RORA: variants seen among roughly 807,000 people sequenced by gnomAD.
RORA encodes the protein nuclear receptor ROR-alpha.
Under a neutral mutation model 69.5 loss-of-function variants are expected in RORA, and 7 were observed. That is an observed-to-expected ratio of 0.10 (90% CI 0.06 to 0.19). The LOEUF (loss-of-function observed/expected upper bound fraction) is 0.19, where lower values mean the gene tolerates loss of function less well. Among genes scored for constraint, RORA ranks in the 10% least tolerant of loss-of-function variants. RORA has a pLI of 1.00. For missense variants in RORA, 457 were observed against 663.0 expected, an observed-to-expected ratio of 0.69 and a Z score of 3.41; for synonymous variants, 261 against 240.8, an observed-to-expected ratio of 1.08 and a Z score of -0.78.
chr15:61,046,954 T>G (rs1241970044), intron 1 of RORA, among the ~76,000 whole-genome samples: 1 of 152,238 alleles, frequency 6.6e-6, no homozygotes, highest in Non-Finnish European at 1.5e-5. Context: ...AAGGCCCTTC[T>G]TGGAGAGCAT....
At chr15:60,840,735 T>C (rs2073185449) in intron 1 of RORA, among the ~76,000 whole-genome samples, 1 of 152,168 alleles carries the variant, frequency 6.6e-6, no homozygotes. Context: ...ATCCCAGGAA[T>C]GGGGGGCTTA....
At chr15:60,506,760 G>T (rs1339771908) in intron 5 of RORA, among the ~76,000 whole-genome samples, 1 of 152,124 alleles carries the variant, frequency 6.6e-6, no homozygotes, top group Non-Finnish European at 1.5e-5. Context: ...GCTGAGGCAG[G>T]TGGATCACCT....
At chr15:61,022,657 G>C (rs909169348) in intron 1 of RORA, among the ~76,000 whole-genome samples, 2 of 152,170 alleles carry the variant, frequency 1.3e-5, no homozygotes, top group Non-Finnish European at 2.9e-5. Context: ...TATTTCAAAA[G>C]TGGGTAAAAA....
intron 2 of RORA, among the ~76,000 whole-genome samples, chr15:60,657,765 TTAACTA>T (rs1159601457): frequency 6.6e-6 from 1 of 152,236 alleles, no homozygotes; most frequent in Admixed American, 6.5e-5. Flanking sequence ...ATCCTAAGGA[TTAACTA>T]TACCTTGGAC....
chr15:60,689,931 C>T (rs1180429639), intron 1 of RORA, among the ~76,000 whole-genome samples: 2 of 152,162 alleles, frequency 1.3e-5, no homozygotes, highest in Non-Finnish European at 2.9e-5. Context: ...TTCTAGCATC[C>T]AGAACTGTGA....
Position 60,511,778 on chromosome 15 carries a change from A to G in RORA, c.425-157T>C, listed in dbSNP as rs774545614. 6.6e-6 allele frequency among the ~76,000 whole-genome samples: 1 copy of G among 152,112 alleles called. No homozygotes were observed. Among genetic ancestry groups the G allele is most frequent in the Non-Finnish European group, 1.5e-5 (1 of 68,022 alleles). On this transcript the variant is annotated intron_variant, in intron 4 of 10. Coordinates refer to ENST00000335670, the MANE Select transcript of RORA (RefSeq NM_134261.3). The surrounding 1 kb of genome is among the most constrained non-coding windows in gnomAD (Gnocchi z 6.4). ...ATATTCAGAGGTGAAAACAGTTCCA[A>G]CCCACACAGACTCGCTCCAGCTCCC...
At chr15:60,712,750 TTTTC>T (rs2071161691) in intron 1 of RORA, among the ~76,000 whole-genome samples, 1 of 152,212 alleles carries the variant, frequency 6.6e-6, no homozygotes, top group Non-Finnish European at 1.5e-5. Context: ...GGTGCTCAGC[TTTTC>T]TTTATTTCCC....
rs1303113074 is a variant in RORA at position 60,883,179 on chromosome 15, AG to A, written c.167-204494del. ...AAGAGAGAGAGAGAGAGAGAGAGAG[AG>A]AGAAAGAAAGAAAACCTATATAAAA... On this transcript the variant is annotated intron_variant, in intron 1 of 10. Coordinates refer to ENST00000335670, the MANE Select transcript of RORA (RefSeq NM_134261.3). Among the ~76,000 whole-genome samples, 204 of 133,530 alleles carry A rather than the reference AG, an allele frequency of 1.5e-3. 3 individuals are homozygous for A. Among genetic ancestry groups the A allele is most frequent in the African/African-American group, 3.5e-3 (127 of 36,642 alleles). 87.6% of individuals were successfully genotyped at this position (133,530 alleles called of 152,430 possible). A position where few individuals can be genotyped will look rare whatever the true frequency, so the allele number is the denominator to read the frequency against.
rs1346311868 is a variant in RORA, at chr15:61,106,995, TCTC to T, written c.166+122055_166+122057del. Among the ~76,000 whole-genome samples the T allele has an allele frequency of 9.9e-5, 15 of 152,268 alleles. 1 individual carries two copies. In the East Asian group the frequency reaches 2.1e-3, roughly 22 times the overall value. On this transcript the variant is annotated intron_variant, in intron 1 of 10. Coordinates refer to ENST00000335670, the MANE Select transcript of RORA (RefSeq NM_134261.3). ...TACTGAGTCTTCTTGGAATCCTTCC[TCTC>T]CTCCTACACACATCATCCTGAACAT...
chr15:60,723,772 T>C (rs1158440726), intron 1 of RORA, among the ~76,000 whole-genome samples: 2 of 152,182 alleles, frequency 1.3e-5, no homozygotes, highest in East Asian at 1.9e-4. Context: ...GCTTACTACA[T>C]GCAAGATCTT....
intron 1 of RORA, among the ~76,000 whole-genome samples, chr15:60,997,317 T>C (rs1180269898): frequency 6.6e-6 from 1 of 152,148 alleles, no homozygotes; most frequent in Non-Finnish European, 1.5e-5. Flanking sequence ...TAAATCAATA[T>C]AAAAATAGAG....
chr15:60,541,395 T>C (rs1427220776), intron 2 of RORA, among the ~76,000 whole-genome samples: 1 of 152,158 alleles, frequency 6.6e-6, no homozygotes, highest in Non-Finnish European at 1.5e-5. Flanking sequence ...CCAAACAACG[T>C]GAGGACTTGT....
chr15:61,074,925 A>G (rs541608615), intron 1 of RORA, among the ~76,000 whole-genome samples: 37 of 152,104 alleles, frequency 2.4e-4, no homozygotes, highest in Non-Finnish European at 4.3e-4. Context: ...CGTCTCTACT[A>G]AAAATACAAA....
chr15:60,951,011 T>C (rs1205755228), intron 1 of RORA, among the ~76,000 whole-genome samples: 3 of 150,870 alleles, frequency 2.0e-5, no homozygotes, highest in East Asian at 3.9e-4. Flanking sequence ...ACACCACACC[T>C]ATTCCAAAAT....
chr15:61,112,854 G>T (rs1323548388), intron 1 of RORA, among the ~76,000 whole-genome samples: 2 of 152,208 alleles, frequency 1.3e-5, no homozygotes, highest in Non-Finnish European at 2.9e-5. Flanking sequence ...GGACAGCTGG[G>T]CACCAACTCT....
chr15:61,086,399 A>T (rs1170111290), intron 1 of RORA, among the ~76,000 whole-genome samples: 1 of 152,256 alleles, frequency 6.6e-6, no homozygotes, highest in African/African-American at 2.4e-5. Flanking sequence ...ATGCTAAGGC[A>T]TAGTTGTAAA....
intron 1 of RORA, among the ~76,000 whole-genome samples, chr15:60,883,157 A>AGG (rs2073709808): frequency 5.2e-5 from 4 of 77,084 alleles, no homozygotes; most frequent in Non-Finnish European, 7.7e-5. Flanking sequence ...AAAAAGAAAG[A>AGG]GAGAGAGAGA....
intron 1 of RORA, among the ~76,000 whole-genome samples, chr15:60,771,666 T>C (rs1432778930): frequency 6.6e-6 from 1 of 152,224 alleles, no homozygotes; most frequent in African/African-American, 2.4e-5. Context: ...ACGAACCCCA[T>C]ACATGAACTT....
At chr15:61,114,168 CT>C (rs904473053) in intron 1 of RORA, among the ~76,000 whole-genome samples, 3 of 151,408 alleles carry the variant, frequency 2.0e-5, no homozygotes, top group Non-Finnish European at 2.9e-5. Context: ...ACTGGAGAGA[CT>C]TTTTTTTTAA....
Sources: gnomAD v4.1 joint callset for allele counts (sites outside exome capture counted in the v4.1 genomes callset) on GRCh38, gnomAD v4.1.1 for gene constraint, Gnocchi (gnomAD v3.1) non-coding constraint, MANE v1.5 for transcripts, NCBI Gene and HGNC (gene_info 2026-07-23, HGNC 2026-07-21) for gene names.